Variants in NCK2 observed in about 807,000 individuals in gnomAD.
NCK2 encodes cytoplasmic protein NCK2.
NCK2 carries 16 observed loss-of-function variants against 33.9 expected under a neutral mutation model. That is an observed-to-expected ratio of 0.47 (90% CI 0.32 to 0.72). The LOEUF (loss-of-function observed/expected upper bound fraction) is 0.72. NCK2 is among the 30% of genes least tolerant of loss of function. The pLI is 0.03. For synonymous variants in NCK2, 273 were observed against 239.9 expected, an observed-to-expected ratio of 1.14 and a Z score of -1.27; for missense variants, 418 against 537.3, an observed-to-expected ratio of 0.78 and a Z score of 2.19.
intron 1 of NCK2, among the ~76,000 whole-genome samples, chr2:105,747,610 A>C (rs1429743683): frequency 6.6e-6 from 1 of 152,226 alleles, no homozygotes; most frequent in Non-Finnish European, 1.5e-5. Flanking sequence ...ATGATGAGTG[A>C]TGTTTGGAAA....
At chr2:105,890,513 C>G (rs539362292) in intron 4 of NCK2, among the ~76,000 whole-genome samples, 1 of 152,330 alleles carries the variant, frequency 6.6e-6, no homozygotes, top group Non-Finnish European at 1.5e-5. Flanking sequence ...GAGGCCTAAT[C>G]TGAGATTAAC....
chr2:105,745,313 C>A (rs1689242056), intron 1 of NCK2, among the ~76,000 whole-genome samples, 175 bp downstream of exon 1: 2 of 151,692 alleles, frequency 1.3e-5, no homozygotes, highest in Admixed American at 6.6e-5. Flanking sequence ...GCGCCCCCGA[C>A]CGCGGACTGC....
At chr2:105,884,457 T>C (rs1003960291) in intron 4 of NCK2, among the ~76,000 whole-genome samples, 8 of 152,220 alleles carry the variant, frequency 5.3e-5, no homozygotes, top group East Asian at 3.8e-4. Context: ...ATTTCCTTTT[T>C]TTCTTGCAGT....
intron 2 of NCK2, among the ~76,000 whole-genome samples, chr2:105,833,000 C>CT (rs35726815): frequency 0.016 from 2,102 of 132,116 alleles, 33 homozygotes; most frequent in African/African-American, 0.05. Context: ...TGTTGGGAGA[C>CT]TTTTTTTTTT....
chr2:105,762,380 C>T (rs1180122146), intron 1 of NCK2, among the ~76,000 whole-genome samples: 1 of 152,176 alleles, frequency 6.6e-6, no homozygotes, highest in African/African-American at 2.4e-5. Flanking sequence ...TTCACAGCAA[C>T]AAAAGAGCCC....
At chr2:105,778,047 C>T (rs867497415) in intron 1 of NCK2, among the ~76,000 whole-genome samples, 77 of 152,200 alleles carry the variant, frequency 5.1e-4, no homozygotes, top group African/African-American at 1.7e-3. Context: ...TTCAGCTGTG[C>T]TTGGAGGAGC....
chr2:105,822,728 A>G (rs1411846826), intron 2 of NCK2, among the ~76,000 whole-genome samples: 1 of 152,046 alleles, frequency 6.6e-6, no homozygotes, highest in Non-Finnish European at 1.5e-5. Flanking sequence ...AACTGAATAC[A>G]TAACATTCCA....
At chr2:105,770,160 A>G (rs1690086946) in intron 1 of NCK2, among the ~76,000 whole-genome samples, 1 of 152,134 alleles carries the variant, frequency 6.6e-6, no homozygotes, top group African/African-American at 2.4e-5. Flanking sequence ...GTATATTGCA[A>G]CAAGAAAAAG....
At chr2:105,856,651 G>C (rs560355895) in intron 3 of NCK2, 16 of 152,222 alleles carry the variant, frequency 1.1e-4, no homozygotes, top group Non-Finnish European at 1.9e-4. Flanking sequence ...GTATTTTTGT[G>C]TATGGATTAG....
In NCK2 at chr2:105,785,490, A is replaced by C. The variant is rs192296775; in HGVS notation, c.-200-30940A>C. Among the ~76,000 whole-genome samples the C allele has an allele frequency of 1.6e-3, 241 of 152,334 alleles. 1 individual carries two copies. Among genetic ancestry groups the C allele is most frequent in the Non-Finnish European group, 1.0e-3 (69 of 68,028 alleles). On this transcript the variant is annotated intron_variant, in intron 1 of 4. Transcript: ENST00000233154. ...AGATAGAGTCCAAAGTGACACGACC[A>C]AAAGACCGCCAATACAAAATCTAAT... is the stretch of plus-strand genomic sequence containing the variant.
chr2:105,780,599 G>A (rs4851866), intron 1 of NCK2, among the ~76,000 whole-genome samples: 67,867 of 152,084 alleles, frequency 0.45, 16,062 homozygotes, highest in East Asian at 0.57. Context: ...TCAGTCACCA[G>A]TCAGAGCCCC....
At position 105,800,321 on chromosome 2, in the gene NCK2, G is replaced by A. The variant is rs577656888; in HGVS notation, c.-200-16109G>A. On this transcript the variant is annotated intron_variant, in intron 1 of 4. Coordinates refer to ENST00000233154, the MANE Select transcript of NCK2 (RefSeq NM_003581.5). ...TCTGCTGTGAACGGGGTAATGAGGT[G>A]TTGTCTTGTTGTAAAGATTGATTGA... Among the ~76,000 whole-genome samples, 137 of 152,320 alleles carry A rather than the reference G, an allele frequency of 9.0e-4. 1 individual carries two copies. Among genetic ancestry groups the A allele is most frequent in the Admixed American group, 2.1e-3 (32 of 15,298 alleles).
intron 2 of NCK2, among the ~76,000 whole-genome samples, chr2:105,829,798 T>C (rs1676096713): frequency 6.6e-6 from 1 of 152,152 alleles, no homozygotes; most frequent in African/African-American, 2.4e-5. Context: ...GTGCACCCCA[T>C]AGTTAAGGGA....
chr2:105,872,365 C>A (rs1427597767), intron 3 of NCK2, among the ~76,000 whole-genome samples: 1 of 152,168 alleles, frequency 6.6e-6, no homozygotes, highest in Non-Finnish European at 1.5e-5. Context: ...GCTCTGAGTC[C>A]TTCTGCTCAC....
intron 2 of NCK2, 46 bp from the exon 3 acceptor site, chr2:105,855,002 G>T: frequency 2.1e-6 from 3 of 1,445,110 alleles, no homozygotes; most frequent in Non-Finnish European, 2.9e-6. Context: ...AGGATGAAGT[G>T]TCCGGGTAGT....
intron 2 of NCK2, among the ~76,000 whole-genome samples, chr2:105,850,570 C>G (rs1677027342): frequency 6.6e-6 from 1 of 152,148 alleles, no homozygotes; most frequent in South Asian, 2.1e-4. Context: ...ATTTGTAGCC[C>G]TTCTCTCTTT....
chr2:105,882,104 G>C, intron 4 of NCK2, 55 bp downstream of exon 4: 1 of 1,448,584 alleles, frequency 6.9e-7, no homozygotes, highest in Non-Finnish European at 9.1e-7. Context: ...GCCTTGCGCG[G>C]TGGGTCTGTG....
intron 2 of NCK2, among the ~76,000 whole-genome samples, chr2:105,821,298 G>A (rs904583677): frequency 6.6e-6 from 1 of 152,188 alleles, no homozygotes; most frequent in Non-Finnish European, 1.5e-5. Flanking sequence ...CCAGTGCTCA[G>A]TCATTAAGAT....
At position 105,874,991 on chromosome 2, in the gene NCK2, T is replaced by A. The variant is rs141208664; in HGVS notation, c.227-6337T>A. Among the ~76,000 whole-genome samples the A allele has an allele frequency of 2.4e-3, 360 of 152,336 alleles. 1 individual carries two copies. Among genetic ancestry groups the A allele is most frequent in the African/African-American group, 7.6e-3 (318 of 41,576 alleles). ...GCTATTTGCCACTTAAAATTATACT[T>A]TCTGTCTGCTCACTGAGTGACAAAT... On this transcript the variant is annotated intron_variant, in intron 3 of 4. Transcript: ENST00000233154.
Sources: allele counts gnomAD v4.1 joint callset (sites outside exome capture counted in the v4.1 genomes callset), GRCh38; gene constraint gnomAD v4.1.1; transcripts MANE v1.5; gene names NCBI Gene and HGNC (gene_info 2026-07-23, HGNC 2026-07-21).